The following KCNH5 variants were observed in gnomAD, a reference collection of about 807,000 sequenced individuals.
The protein encoded by KCNH5 is potassium voltage-gated channel subfamily H member 5.
A neutral mutation model predicts 96.1 loss-of-function variants in KCNH5; 46 were observed. The observed-to-expected ratio is 0.48, with a 90% CI of 0.38 to 0.61. KCNH5 has a LOEUF of 0.61. KCNH5 is among the 20% of genes least tolerant of loss of function. The probability of loss-of-function intolerance (pLI) is 0.00; values close to 1 mark genes in which losing one functional copy is unlikely to be tolerated. For synonymous variants in KCNH5, 439 were observed against 449.8 expected (o/e 0.98, Z 0.30); for missense variants, 907 against 1,225.8 (o/e 0.74, Z 3.88).
intron 10 of KCNH5, among the ~76,000 whole-genome samples, chr14:62,748,270 G>T (rs539771924): frequency 6.6e-6 from 1 of 152,102 alleles, no homozygotes; most frequent in South Asian, 2.1e-4. Flanking sequence ...CTGCTACAAG[G>T]GTTTGTGATA....
chr14:62,856,345 C>T (rs1887927515), intron 7 of KCNH5, among the ~76,000 whole-genome samples: 1 of 152,174 alleles, frequency 6.6e-6, no homozygotes, highest in Admixed American at 6.5e-5. Flanking sequence ...ATAACCAGTA[C>T]TAACTTTTCC....
intron 9 of KCNH5, among the ~76,000 whole-genome samples, chr14:62,800,919 G>C (rs1156806127): frequency 6.6e-6 from 1 of 150,590 alleles, no homozygotes; most frequent in Admixed American, 6.6e-5. Context: ...ACTCTAAAAT[G>C]TCGTATTTTC....
At chr14:63,038,956 A>G (rs1891773670) in intron 1 of KCNH5, among the ~76,000 whole-genome samples, 2 of 152,072 alleles carry the variant, frequency 1.3e-5, no homozygotes, top group Non-Finnish European at 2.9e-5. Flanking sequence ...TGTTTCATAA[A>G]TGTCCATTTT....
intron 10 of KCNH5, among the ~76,000 whole-genome samples, chr14:62,769,577 C>T (rs1048859903): frequency 2.6e-5 from 4 of 152,200 alleles, no homozygotes; most frequent in African/African-American, 9.7e-5. Context: ...GCAGAATTTG[C>T]AGGCACAAAT....
chr14:62,773,340 C>T (rs577716248), intron 10 of KCNH5, among the ~76,000 whole-genome samples: 2 of 152,312 alleles, frequency 1.3e-5, no homozygotes, highest in Non-Finnish European at 2.9e-5. Flanking sequence ...ACTCCTGTGT[C>T]CTTGTCACCT....
chr14:62,719,201 G>A (rs893676800), intron 10 of KCNH5, among the ~76,000 whole-genome samples: 2 of 152,212 alleles, frequency 1.3e-5, no homozygotes, highest in South Asian at 4.1e-4. Context: ...TGAATTGTAT[G>A]GAATGGGAAC....
intron 5 of KCNH5, among the ~76,000 whole-genome samples, chr14:62,982,825 A>C (rs1327597779): frequency 1.3e-5 from 2 of 152,310 alleles, no homozygotes; most frequent in Non-Finnish European, 2.9e-5. Context: ...AAGAATACTT[A>C]TAAAGATATT....
At position 62,769,261 on chromosome 14, in the gene KCNH5, A is replaced by T. The variant is rs111454801; in HGVS notation, c.2019+10467T>A. Among the ~76,000 whole-genome samples the T allele has an allele frequency of 3.5e-3, 535 of 152,358 alleles. 2 individuals carry two copies. The highest frequency in any genetic ancestry group is 0.013 in the African/African-American group (524 of 41,586). On this transcript the variant is annotated intron_variant, in intron 10 of 10. Coordinates refer to ENST00000322893, the MANE Select transcript of KCNH5 (RefSeq NM_139318.5). The stretch of plus-strand genomic sequence containing the variant: ...ATGAGTAGCATCACTTTGGAAGTGA[A>T]ATTTCTACAAACCATAACATGTAAG...
intron 10 of KCNH5, among the ~76,000 whole-genome samples, chr14:62,775,419 C>T (rs977135155): frequency 2.6e-5 from 4 of 152,054 alleles, no homozygotes; most frequent in African/African-American, 9.7e-5. Flanking sequence ...AATGTGTTTT[C>T]CCATAAAAAT....
At chr14:62,981,579 C>T (rs983240543) in intron 5 of KCNH5, among the ~76,000 whole-genome samples, 2 of 152,220 alleles carry the variant, frequency 1.3e-5, no homozygotes, top group Non-Finnish European at 2.9e-5. Flanking sequence ...AATCACATGG[C>T]TCTCATGGAC....
intron 10 of KCNH5, among the ~76,000 whole-genome samples, chr14:62,764,061 A>G (rs979165991): frequency 6.6e-6 from 1 of 152,194 alleles, no homozygotes; most frequent in African/African-American, 2.4e-5. Context: ...AACCTGGCAG[A>G]AACAGTACAA....
chr14:62,969,757 ATTTTTTT>A (rs779644836), intron 6 of KCNH5, among the ~76,000 whole-genome samples: 8 of 113,914 alleles, frequency 7.0e-5, no homozygotes, highest in South Asian at 2.7e-4. Flanking sequence ...AATAAAATTA[ATTTTTTT>A]TTTTTTTTTT....
chr14:62,877,596 G>A (rs572671490), intron 7 of KCNH5, among the ~76,000 whole-genome samples: 44 of 152,300 alleles, frequency 2.9e-4, no homozygotes, highest in African/African-American at 1.0e-3. Context: ...ATGAAAAAAT[G>A]CTCACAATCA....
intron 7 of KCNH5, among the ~76,000 whole-genome samples, chr14:62,882,187 C>T (rs1181157988): frequency 6.6e-6 from 1 of 150,726 alleles, no homozygotes; most frequent in Non-Finnish European, 1.5e-5. Context: ...AGGCTTGGGC[C>T]CACATGTTCA....
chr14:62,902,659 C>A (rs1888950560), intron 7 of KCNH5, among the ~76,000 whole-genome samples: 2 of 151,532 alleles, frequency 1.3e-5, no homozygotes, highest in South Asian at 4.2e-4. Flanking sequence ...TTAGGCAAAT[C>A]ACTTAATTTT....
intron 8 of KCNH5, among the ~76,000 whole-genome samples, chr14:62,844,235 G>A (rs910640370): frequency 2.0e-5 from 3 of 151,484 alleles, no homozygotes; most frequent in Non-Finnish European, 4.4e-5. Context: ...CTACATGTTA[G>A]AGAAAAAAGT....
intron 1 of KCNH5, among the ~76,000 whole-genome samples, chr14:63,031,716 T>C (rs1046352899): frequency 2.0e-5 from 3 of 152,188 alleles, no homozygotes; most frequent in Non-Finnish European, 2.9e-5. Flanking sequence ...ACTAATATTG[T>C]ATTGTATGTT....
intron 4 of KCNH5, among the ~76,000 whole-genome samples, chr14:62,991,066 G>A (rs1890800154): frequency 6.6e-6 from 1 of 151,984 alleles, no homozygotes; most frequent in Non-Finnish European, 1.5e-5. Context: ...GATTTGGGTG[G>A]GGACACAGAG....
chr14:62,824,382 A>G (rs1448969457), intron 8 of KCNH5, among the ~76,000 whole-genome samples: 1 of 152,118 alleles, frequency 6.6e-6, no homozygotes, highest in East Asian at 1.9e-4. Flanking sequence ...TGCTGAAAAT[A>G]CAAAGTTTGG....
Sources: allele counts gnomAD v4.1 joint callset (sites outside exome capture counted in the v4.1 genomes callset), GRCh38; gene constraint gnomAD v4.1.1; transcripts MANE v1.5; gene names NCBI Gene and HGNC (gene_info 2026-07-23, HGNC 2026-07-21).